The following RFX3 variants were observed in gnomAD, a reference collection of about 807,000 sequenced individuals.
RFX3 encodes the protein regulatory factor X3.
Under a neutral mutation model 98.6 loss-of-function variants are expected in RFX3, and 14 were observed. That is an observed-to-expected ratio of 0.14 (90% CI 0.09 to 0.22). The LOEUF (loss-of-function observed/expected upper bound fraction) is 0.22, where lower values mean the gene tolerates loss of function less well. Ranked by LOEUF, RFX3 falls within the 10% of genes least tolerant of loss-of-function variation. The pLI is 1.00. For missense variants in RFX3, 639 were observed against 926.9 expected (o/e 0.69, Z 4.03); for synonymous variants, 383 against 328.4 (o/e 1.17, Z -1.80).
At chr9:3,439,801 A>C (rs62526385) in intron 1 of RFX3, among the ~76,000 whole-genome samples, 4,463 of 152,084 alleles carry the variant, frequency 0.029, 90 homozygotes, top group Non-Finnish European at 0.044. Flanking sequence ...TTACTTTAAT[A>C]CACATGGAGA....
intron 14 of RFX3, 121 bp downstream of exon 14, chr9:3,256,870 T>C: frequency 1.1e-6 from 1 of 882,364 alleles, no homozygotes. Context: ...TAACAGGGAG[T>C]TTCCACAAAC....
intron 16 of RFX3, among the ~76,000 whole-genome samples, chr9:3,225,482 CAT>C (rs1045347560): frequency 4.6e-5 from 7 of 152,026 alleles, no homozygotes; most frequent in Non-Finnish European, 7.4e-5. Flanking sequence ...TTCTTTCAAA[CAT>C]AGTGAGATTA....
At chr9:3,353,094 A>G (rs1459365283) in intron 2 of RFX3, among the ~76,000 whole-genome samples, 1 of 151,742 alleles carries the variant, frequency 6.6e-6, no homozygotes, top group Non-Finnish European at 1.5e-5. Flanking sequence ...AACTATCGCA[A>G]GGACAAAAAA....
intron 1 of RFX3, chr9:3,420,731 G>C (rs1843372941): frequency 1.1e-6 from 1 of 942,060 alleles, no homozygotes; most frequent in African/African-American, 1.8e-5. Context: ...ATAAACCCCT[G>C]TATCCTTCCA....
At position 3,239,177 on chromosome 9, in the gene RFX3, T is replaced by C. The variant is rs559305352; in HGVS notation, c.1968+8855A>G. Among the ~76,000 whole-genome samples, 6 of 152,342 alleles carry C rather than the reference T, an allele frequency of 3.9e-5. No homozygotes were observed. The East Asian group carries it at 9.6e-4, about 24-fold the overall frequency. On this transcript the variant is annotated intron_variant, in intron 15 of 16. Transcript: ENST00000617270. ...AAGAACCAAATAAATCAAAGCATTC[T>C]GCATTTAGCACTGATACATGGTTTT... is the stretch of plus-strand genomic sequence containing the variant.
chr9:3,432,508 C>T (rs76816249), intron 1 of RFX3, among the ~76,000 whole-genome samples: 6,042 of 152,172 alleles, frequency 0.04, 318 homozygotes, highest in African/African-American at 0.12. Flanking sequence ...CATAACTCTG[C>T]CCAGACTTTG....
At position 3,229,027 on chromosome 9, in the gene RFX3, G is replaced by A. The variant is rs576318946; in HGVS notation, c.1969-138C>T. The A allele has an allele frequency of 9.1e-4, 544 of 595,244 alleles. 2 individuals carry two copies. The Middle Eastern group carries it at 9.4e-3, about 10-fold the overall frequency. The allele number at this position is 595,244 out of a possible 1,614,324, so 36.9% of individuals were successfully genotyped here. On this transcript the variant is annotated intron_variant, in intron 15 of 16. Transcript: ENST00000617270. ...GGCCATTTTGATCTCTAATTACATGGATCACATAATTTTCCAATCAAACTT... is the reference window on the plus strand; with the variant it reads ...GGCCATTTTGATCTCTAATTACATGAATCACATAATTTTCCAATCAAACTT...
intron 1 of RFX3, among the ~76,000 whole-genome samples, chr9:3,505,022 T>C (rs1816781470): frequency 1.2e-5 from 1 of 82,974 alleles, no homozygotes; most frequent in Non-Finnish European, 2.1e-5. Context: ...TAATAAAATA[T>C]TTTAAATAAT....
Position 3,330,377 on chromosome 9 carries a change from T to C in RFX3, c.356A>G (p.Gln119Arg). ...SHSMVGTGGI[Q>R]MGVTGGQLIS... ...GAGTTGTCCTCCTGTGACGCCCATC[T>C]GAATCCCACCAGTGCCCACCATACT... Residue 119 changes from glutamine (Q) to arginine (R), a missense_variant, in exon 4 of 17, where the codon CAG (glutamine) becomes CGG (arginine). Physicochemically the swap from Gln to Arg is conservative, Grantham distance 43. Transcript: ENST00000617270. 6.2e-7 allele frequency: 1 copy of C among 1,614,178 alleles called. No individual in the cohort carries two copies. The highest frequency in any genetic ancestry group is 8.5e-7 in the Non-Finnish European group (1 of 1,180,026).
intron 1 of RFX3, among the ~76,000 whole-genome samples, chr9:3,405,345 A>T (rs1271929882): frequency 6.6e-6 from 1 of 152,198 alleles, no homozygotes; most frequent in South Asian, 2.1e-4. Flanking sequence ...AATAATTCCC[A>T]AATCTGTAAC....
At chr9:3,291,395 C>CA (rs1320257059) in intron 6 of RFX3, among the ~76,000 whole-genome samples, 7 of 3,384 alleles carry the variant, frequency 2.1e-3, no homozygotes, top group African/African-American at 3.8e-3. Flanking sequence ...AAAACAAAAA[C>CA]AAAACAAAAC....
intron 1 of RFX3, among the ~76,000 whole-genome samples, chr9:3,447,832 A>C (rs1587705768): frequency 7.5e-6 from 1 of 132,640 alleles, no homozygotes; most frequent in Non-Finnish European, 1.6e-5. Flanking sequence ...AAAGTCTCTG[A>C]AATCTCCTAT....
intron 2 of RFX3, among the ~76,000 whole-genome samples, chr9:3,378,482 A>G (rs1838793179): frequency 6.6e-6 from 1 of 151,572 alleles, no homozygotes; most frequent in Non-Finnish European, 1.5e-5. Flanking sequence ...TATCTTGGCT[A>G]TATCTCCTAT....
chr9:3,334,152 G>T (rs1832899548), intron 3 of RFX3, among the ~76,000 whole-genome samples: 1 of 152,076 alleles, frequency 6.6e-6, no homozygotes, highest in South Asian at 2.1e-4. Context: ...CAACTACTAA[G>T]GAACAGCTTA....
chr9:3,305,887 T>C (rs1309723106), intron 4 of RFX3, among the ~76,000 whole-genome samples: 1 of 152,068 alleles, frequency 6.6e-6, no homozygotes, highest in African/African-American at 2.4e-5. Context: ...TCTGAGAGTT[T>C]ACCAATCTCA....
chr9:3,266,363 G>C, intron 11 of RFX3, 58 bp from the exon 12 acceptor site: 1 of 1,131,510 alleles, frequency 8.8e-7, no homozygotes. Flanking sequence ...ATTAATGTTT[G>C]TGCTAGAATA....
chr9:3,254,330 T>G (rs547496511), intron 14 of RFX3, among the ~76,000 whole-genome samples: 1 of 149,884 alleles, frequency 6.7e-6, no homozygotes, highest in South Asian at 2.1e-4. Flanking sequence ...ACTAATAACA[T>G]AAGAAAGCAG....
chr9:3,295,646 C>A (rs1267693268), intron 5 of RFX3, among the ~76,000 whole-genome samples: 1 of 151,948 alleles, frequency 6.6e-6, no homozygotes, highest in East Asian at 1.9e-4. Context: ...GTTAAAAATG[C>A]CAAAGATATG....
At chr9:3,507,309 A>C (rs1287632125) in intron 1 of RFX3, among the ~76,000 whole-genome samples, 1 of 151,934 alleles carries the variant, frequency 6.6e-6, no homozygotes, top group Admixed American at 6.6e-5. Flanking sequence ...ATGAGAACTA[A>C]GTTTTAGAGA....
Sources: allele counts gnomAD v4.1 joint callset (sites outside exome capture counted in the v4.1 genomes callset), GRCh38; gene constraint gnomAD v4.1.1; transcripts MANE v1.5; gene names NCBI Gene and HGNC (gene_info 2026-07-23, HGNC 2026-07-21).